Variants in PDGFD observed in about 807,000 individuals in gnomAD.
PDGFD encodes platelet-derived growth factor D.
A neutral mutation model predicts 44.7 loss-of-function variants in PDGFD; 30 were observed. The observed-to-expected ratio is 0.67, with a 90% confidence interval of 0.50 to 0.91. The LOEUF (loss-of-function observed/expected upper bound fraction) is 0.91, where lower values mean the gene tolerates loss of function less well. Ranked by LOEUF, PDGFD falls within the 40% of genes least tolerant of loss-of-function variation. The pLI, the probability that PDGFD is intolerant of heterozygous loss-of-function variation, is 0.00. For missense variants in PDGFD, 445 were observed against 457.8 expected, an observed-to-expected ratio of 0.97 and a Z score of 0.25; for synonymous variants, 173 against 168.4, an observed-to-expected ratio of 1.03 and a Z score of -0.21.
At chr11:104,120,705 T>C (rs902216098) in intron 1 of PDGFD, among the ~76,000 whole-genome samples, 2 of 151,946 alleles carry the variant, frequency 1.3e-5, no homozygotes, top group African/African-American at 4.8e-5. Context: ...GAGTCATCCC[T>C]GCAGGGGGCC....
chr11:103,969,378 C>T (rs1440342570), intron 3 of PDGFD, among the ~76,000 whole-genome samples: 1 of 150,390 alleles, frequency 6.6e-6, no homozygotes, highest in African/African-American at 2.4e-5. Context: ...TATTTCTATT[C>T]TTATACATTT....
At chr11:103,963,923 C>G (rs1858976568) in intron 3 of PDGFD, among the ~76,000 whole-genome samples, 1 of 152,092 alleles carries the variant, frequency 6.6e-6, no homozygotes, top group Non-Finnish European at 1.5e-5. Context: ...CTGTTTCTAA[C>G]TCATGAATTA....
intron 3 of PDGFD, among the ~76,000 whole-genome samples, chr11:103,962,284 A>T (rs1382286726): frequency 6.6e-6 from 1 of 152,166 alleles, no homozygotes; most frequent in Non-Finnish European, 1.5e-5. Context: ...CAGGGTACAA[A>T]ATTACCTTTC....
At chr11:104,150,175 CAT>C (rs1263291915) in intron 1 of PDGFD, among the ~76,000 whole-genome samples, 5 of 152,134 alleles carry the variant, frequency 3.3e-5, no homozygotes, top group African/African-American at 4.8e-5. Flanking sequence ...ATAAATGACA[CAT>C]GAGGTTAATG....
intron 1 of PDGFD, among the ~76,000 whole-genome samples, chr11:104,016,029 A>G (rs927008795): frequency 1.2e-4 from 19 of 152,230 alleles, no homozygotes; most frequent in Non-Finnish European, 2.8e-4. Context: ...AATCCCTCTG[A>G]AATTTTACAC....
intron 3 of PDGFD, among the ~76,000 whole-genome samples, chr11:103,961,883 A>G (rs1035942199): frequency 1.3e-5 from 2 of 152,204 alleles, no homozygotes; most frequent in Admixed American, 6.5e-5. Flanking sequence ...CTCTTGACAT[A>G]CTGTACTGCA....
At chr11:103,938,587 T>A (rs1324507653) in intron 5 of PDGFD, among the ~76,000 whole-genome samples, 6 of 152,178 alleles carry the variant, frequency 3.9e-5, no homozygotes. Context: ...TTTTGGCTTT[T>A]GTTGCCATTG....
intron 6 of PDGFD, among the ~76,000 whole-genome samples, chr11:103,923,587 A>G (rs1858259087): frequency 6.6e-6 from 1 of 152,220 alleles, no homozygotes; most frequent in African/African-American, 2.4e-5. Context: ...CAGAGGTAAG[A>G]ATACAGACAC....
chr11:104,044,360 G>C (rs996875277), intron 1 of PDGFD, among the ~76,000 whole-genome samples: 1 of 151,982 alleles, frequency 6.6e-6, no homozygotes, highest in African/African-American at 2.4e-5. Flanking sequence ...TTTATGTGAA[G>C]GACAGCATCT....
At chr11:104,061,890 G>C (rs984205454) in intron 1 of PDGFD, among the ~76,000 whole-genome samples, 6 of 152,240 alleles carry the variant, frequency 3.9e-5, no homozygotes, top group Admixed American at 3.9e-4. Context: ...TTACAGGCTT[G>C]AGCCACCATG....
At chr11:104,033,744 A>T (rs1860168134) in intron 1 of PDGFD, among the ~76,000 whole-genome samples, 2 of 152,198 alleles carry the variant, frequency 1.3e-5, no homozygotes, top group Admixed American at 6.5e-5. Flanking sequence ...ATAAAGGAAA[A>T]CTGAATTAAA....
At chr11:103,927,263 A>G in intron 5 of PDGFD, 137 bp from the exon 6 acceptor site, 1 of 714,342 alleles carries the variant, frequency 1.4e-6, no homozygotes, top group Non-Finnish European at 2.3e-6. Flanking sequence ...TCAGGCTCTC[A>G]ATTACTGGGA....
At chr11:104,136,143 T>A (rs11226201) in intron 1 of PDGFD, among the ~76,000 whole-genome samples, 28,597 of 152,102 alleles carry the variant, frequency 0.19, 2,810 homozygotes, top group Middle Eastern at 0.29. Context: ...AAGGAGGCCA[T>A]TGGGCACCAC....
intron 3 of PDGFD, among the ~76,000 whole-genome samples, chr11:103,988,882 C>T (rs1035625935): frequency 6.6e-6 from 1 of 152,174 alleles, no homozygotes; most frequent in East Asian, 1.9e-4. Context: ...ATCCATGCTT[C>T]ATGGAGATGC....
At chr11:104,105,861 CA>C (rs1861465128) in intron 1 of PDGFD, among the ~76,000 whole-genome samples, 1 of 150,870 alleles carries the variant, frequency 6.6e-6, no homozygotes, top group South Asian at 2.1e-4. Flanking sequence ...CATACTTCTC[CA>C]AAAGAAAAGT....
intron 3 of PDGFD, among the ~76,000 whole-genome samples, chr11:103,990,367 C>T (rs760338196): frequency 2.6e-5 from 4 of 152,256 alleles, no homozygotes; most frequent in Non-Finnish European, 4.4e-5. Flanking sequence ...TGAAATTTTA[C>T]ATCCACAGAT....
chr11:103,950,262 A>T (rs1427018410), intron 3 of PDGFD, among the ~76,000 whole-genome samples: 1 of 152,046 alleles, frequency 6.6e-6, no homozygotes, highest in African/African-American at 2.4e-5. Flanking sequence ...AACAATAAGG[A>T]AACTGGCCAG....
intron 3 of PDGFD, among the ~76,000 whole-genome samples, chr11:103,975,359 T>G (rs2134347351): frequency 6.6e-6 from 1 of 152,318 alleles, no homozygotes. Context: ...CCTTGTAAAT[T>G]TGTTTAAGTT....
At chr11:103,965,523 C>A (rs1859005010) in intron 3 of PDGFD, among the ~76,000 whole-genome samples, 1 of 152,142 alleles carries the variant, frequency 6.6e-6, no homozygotes, top group African/African-American at 2.4e-5. Context: ...AAGTTCTGCA[C>A]AATATCGTGT....
Sources: allele counts gnomAD v4.1 joint callset (sites outside exome capture counted in the v4.1 genomes callset), GRCh38; gene constraint gnomAD v4.1.1; transcripts MANE v1.5; gene names NCBI Gene and HGNC (gene_info 2026-07-23, HGNC 2026-07-21).